NOL10: variants seen among roughly 807,000 people sequenced by gnomAD.
NOL10 encodes nucleolar protein 10.
Under a neutral mutation model 103.5 loss-of-function variants are expected in NOL10, and 58 were observed. The ratio of observed to expected loss-of-function variants is 0.56; its 90% CI spans 0.45 to 0.70. The LOEUF (loss-of-function observed/expected upper bound fraction) is 0.70. NOL10 is among the 30% of genes least tolerant of loss of function. The pLI is 0.00. For missense variants in NOL10, 763 were observed against 807.3 expected (o/e 0.95, Z 0.67); for synonymous variants, 287 against 282.5 (o/e 1.02, Z -0.16).
chr2:10,602,366 G>A (rs919971874), intron 16 of NOL10, among the ~76,000 whole-genome samples: 4 of 152,228 alleles, frequency 2.6e-5, no homozygotes, highest in Non-Finnish European at 5.9e-5. Flanking sequence ...CTCAGACAGA[G>A]AGTGCAGTTT....
chr2:10,654,875 C>T (rs950929003), intron 11 of NOL10, among the ~76,000 whole-genome samples: 2 of 152,124 alleles, frequency 1.3e-5, no homozygotes, highest in African/African-American at 4.8e-5. Flanking sequence ...AAAAATCTCT[C>T]ATAATCTGTG....
chr2:10,654,227 T>C (rs1679673700), intron 12 of NOL10, among the ~76,000 whole-genome samples: 1 of 152,202 alleles, frequency 6.6e-6, no homozygotes, highest in Non-Finnish European at 1.5e-5. Context: ...CACGTTCCAC[T>C]AATAGCTGGG....
intron 14 of NOL10, among the ~76,000 whole-genome samples, chr2:10,604,050 T>C (rs1676123240): frequency 6.6e-6 from 1 of 152,240 alleles, no homozygotes; most frequent in African/African-American, 2.4e-5. Flanking sequence ...TCATCAGGCA[T>C]TAGATTCTCA....
chr2:10,589,519 A>C, intron 18 of NOL10, 59 bp downstream of exon 18: 1 of 1,366,168 alleles, frequency 7.3e-7, no homozygotes, highest in Non-Finnish European at 9.9e-7. Context: ...TCTAACTTAC[A>C]AAGAAAACAT....
chr2:10,688,424 T>C (rs1558363858), intron 1 of NOL10, among the ~76,000 whole-genome samples: 1 of 152,212 alleles, frequency 6.6e-6, no homozygotes, highest in Non-Finnish European at 1.5e-5. Context: ...TCCGTCCTCC[T>C]ACATGTCCAG....
intron 16 of NOL10, among the ~76,000 whole-genome samples, chr2:10,602,318 A>G (rs1027998312): frequency 1.3e-5 from 2 of 152,218 alleles, no homozygotes; most frequent in Admixed American, 1.3e-4. Context: ...CAGTTCTCCA[A>G]TACCAAGTTA....
In NOL10 at chr2:10,589,246, A is replaced by G. The variant is rs1675277090; in HGVS notation, c.1641T>C (p.Ser547=). Residue 547 remains serine, a synonymous_variant, in exon 19 of 21, where the codon AGT becomes AGC. Transcript: ENST00000381685. ...CTTTTTCATCATCTGAACTCTCCGA[A>G]CTTTCTGCATCACTTGGTTTTCCTT... ...EPEGKPSDAE[S]SESSDDEKAW... 1 of 1,613,704 alleles carries G rather than the reference A, an allele frequency of 6.2e-7. No individual in the cohort carries two copies. Among genetic ancestry groups the G allele is most frequent in the Non-Finnish European group, 8.5e-7 (1 of 1,179,844 alleles).
chr2:10,668,791 TATAA>T (rs1680721726), intron 6 of NOL10, 68 bp from the exon 7 acceptor site: 2 of 587,822 alleles, frequency 3.4e-6, no homozygotes, highest in Admixed American at 3.2e-5. Flanking sequence ...ATATAAATTT[TATAA>T]ATATATATAT....
At chr2:10,664,168 T>A (rs1214298760) in intron 8 of NOL10, among the ~76,000 whole-genome samples, 1 of 151,054 alleles carries the variant, frequency 6.6e-6, no homozygotes, top group East Asian at 2.0e-4. Context: ...TGGTGGCTTA[T>A]GCCTGTAATC....
At chr2:10,627,062 T>C (rs936570715) in intron 13 of NOL10, among the ~76,000 whole-genome samples, 1 of 152,064 alleles carries the variant, frequency 6.6e-6, no homozygotes, top group Non-Finnish European at 1.5e-5. Flanking sequence ...CCACAGATAC[T>C]GTTACTACCT....
chr2:10,596,085 G>A (rs1406587351), intron 17 of NOL10, among the ~76,000 whole-genome samples: 1 of 151,986 alleles, frequency 6.6e-6, no homozygotes, highest in Non-Finnish European at 1.5e-5. Context: ...CTAGAGAGAT[G>A]AGGTATTACT....
chr2:10,669,802 G>T (rs939579026), intron 6 of NOL10, among the ~76,000 whole-genome samples: 1 of 151,948 alleles, frequency 6.6e-6, no homozygotes, highest in African/African-American at 2.4e-5. Flanking sequence ...TGGGGCAGGA[G>T]AATCGCTTGA....
At chr2:10,621,265 T>A (rs572656001) in intron 13 of NOL10, among the ~76,000 whole-genome samples, 1 of 152,168 alleles carries the variant, frequency 6.6e-6, no homozygotes, top group East Asian at 1.9e-4. Flanking sequence ...GGGGTGGTGG[T>A]GAGAGGCAAA....
intron 19 of NOL10, among the ~76,000 whole-genome samples, chr2:10,588,373 A>C (rs1675226828): frequency 1.3e-5 from 2 of 152,180 alleles, no homozygotes; most frequent in African/African-American, 4.8e-5. Flanking sequence ...TGTACCCATG[A>C]AACACTCGGC....
rs769681277 is a variant in NOL10, at chr2:10,589,180, C to T, written c.1707G>A (p.Gln569=). Residue 569 remains glutamine, a synonymous_variant, in exon 19 of 21, where the codon CAG becomes CAA. Coordinates refer to ENST00000381685, the MANE Select transcript of NOL10 (RefSeq NM_024894.4). ...EEVRKQRRLL[Q]QEEKVKRQER... is the part of the protein sequence containing the mutation. ...CCTGCCGCTTCACTTTTTCCTCCTG[C>T]TGGAGGAGTCTGCGTTGCTTCCTGA... 5.0e-6 allele frequency: 8 copies of T among 1,613,878 alleles called. No individual in the cohort carries two copies. The East Asian group carries it at 1.3e-4, about 27-fold the overall frequency.
At chr2:10,591,033 T>C (rs572838146) in intron 17 of NOL10, 14 of 152,352 alleles carry the variant, frequency 9.2e-5, no homozygotes, top group African/African-American at 3.4e-4. Context: ...CTGAATATTA[T>C]TTGTGTGACA....
At chr2:10,578,117 ATATAT>A (rs2148142129) in intron 19 of NOL10, among the ~76,000 whole-genome samples, 1 of 152,342 alleles carries the variant, frequency 6.6e-6, no homozygotes, top group South Asian at 2.1e-4. Flanking sequence ...TGATATAATG[ATATAT>A]TTAAACAATA....
chr2:10,643,901 G>A (rs1678882165), intron 13 of NOL10, among the ~76,000 whole-genome samples: 1 of 152,198 alleles, frequency 6.6e-6, no homozygotes, highest in Non-Finnish European at 1.5e-5. Context: ...TGAGTCCACT[G>A]TGTCTAATGT....
In NOL10 at chr2:10,602,796, C is replaced by T. The variant is rs1289818449; in HGVS notation, c.1312G>A (p.Ala438Thr). The T allele has an allele frequency of 6.2e-7, 1 of 1,601,164 alleles. No individual in the cohort carries two copies. The highest frequency in any genetic ancestry group is 1.1e-5 in the South Asian group (1 of 90,436). The change falls in exon 16 of 21, where the codon GCA (alanine) becomes ACA (threonine). Residue 438 changes from alanine to threonine, a missense_variant. By Grantham distance (58) the Ala-to-Thr change is moderately conservative. Coordinates refer to ENST00000381685, the MANE Select transcript of NOL10 (RefSeq NM_024894.4). ...TTTACCTTTAACTGGACTCTCTGTG[C>T]ACGTGTTTCTTCTATTTTCTGTCGT... is the stretch of plus-strand genomic sequence containing the variant. ...KIRQKIEETRAQRVQLKKLPK... is the reference protein window; with the variant it reads ...KIRQKIEETRTQRVQLKKLPK...
Sources: allele counts gnomAD v4.1 joint callset (sites outside exome capture counted in the v4.1 genomes callset), GRCh38; gene constraint gnomAD v4.1.1; transcripts MANE v1.5; gene names NCBI Gene and HGNC (gene_info 2026-07-23, HGNC 2026-07-21).